Variants in FBLN7 observed in about 807,000 individuals in gnomAD.
FBLN7 encodes the protein fibulin-7.
FBLN7 carries 31 observed loss-of-function variants against 44.0 expected under a neutral mutation model. That is an observed-to-expected ratio of 0.70 (90% CI 0.53 to 0.95). The LOEUF is 0.95. Ranked by LOEUF, FBLN7 falls within the 40% of genes least tolerant of loss-of-function variation. The pLI is 0.00. For synonymous variants in FBLN7, 262 were observed against 253.4 expected (o/e 1.03, Z -0.32); for missense variants, 573 against 618.5 (o/e 0.93, Z 0.78).
chr2:112,142,649 C>T (rs952165669), intron 1 of FBLN7, among the ~76,000 whole-genome samples: 2 of 152,152 alleles, frequency 1.3e-5, no homozygotes, highest in African/African-American at 2.4e-5. Flanking sequence ...ATGGAGACTG[C>T]GGTGCTCCTC....
At chr2:112,167,416 G>A (rs1047395568) in intron 3 of FBLN7, among the ~76,000 whole-genome samples, 1 of 152,150 alleles carries the variant, frequency 6.6e-6, no homozygotes, top group Non-Finnish European at 1.5e-5. Context: ...CCTTTCTAGA[G>A]GATCCTGGGT....
Position 112,155,449 on chromosome 2 carries a change from G to A in FBLN7, c.76-4227G>A, listed in dbSNP as rs115409365. On this transcript the variant is annotated intron_variant, in intron 1 of 7. Coordinates refer to ENST00000331203, the MANE Select transcript of FBLN7 (RefSeq NM_153214.3). ...TCCCTGGCCCCAGCCCCGGCATGCT[G>A]GCTTGCCGAGAGCAGCAAGATGCTT... Among the ~76,000 whole-genome samples the A allele has an allele frequency of 4.9e-3, 743 of 152,334 alleles. 8 individuals carry two copies. Among genetic ancestry groups the A allele is most frequent in the African/African-American group, 0.016 (654 of 41,584 alleles).
chr2:112,146,390 A>G (rs1680899605), intron 1 of FBLN7, among the ~76,000 whole-genome samples: 1 of 152,194 alleles, frequency 6.6e-6, no homozygotes, highest in Non-Finnish European at 1.5e-5. Flanking sequence ...AAATCTATAG[A>G]TCAATTAGAG....
At chr2:112,210,655 CAAAAAAAAA>C in the FBLN7 span, among the ~76,000 whole-genome samples, 115 of 69,724 alleles carry the variant, frequency 1.6e-3, no homozygotes, top group South Asian at 0.025. Flanking sequence ...GACTCTGTCT[CAAAAAAAAA>C]AAAAAAAAAA....
rs568163712 is a variant in FBLN7 at position 112,159,003 on chromosome 2, A to G, written c.76-673A>G. On this transcript the variant is annotated intron_variant, in intron 1 of 7. Coordinates refer to ENST00000331203, the MANE Select transcript of FBLN7 (RefSeq NM_153214.3). The stretch of plus-strand genomic sequence containing the variant: ...TTGATCTTGGACTTCTAGCCCCGGA[A>G]CTGTGAGGAAATAAGTTTCTGTTGT... 1.1e-4 allele frequency among the ~76,000 whole-genome samples: 16 copies of G among 152,342 alleles called. No individual in the cohort carries two copies. In the East Asian group the frequency reaches 2.9e-3, roughly 28 times the overall value.
chr2:112,152,880 ATCTCTCTTTC>A (rs893518707), intron 1 of FBLN7: 9 of 152,124 alleles, frequency 5.9e-5, no homozygotes, highest in African/African-American at 1.9e-4. Context: ...ATCCCTTAAA[ATCTCTCTTTC>A]TCTCTCCATA....
rs150524751 is a variant in FBLN7 at position 112,164,375 on chromosome 2, C to T, written c.236-626C>T. On this transcript the variant is annotated intron_variant, in intron 2 of 7. Transcript: ENST00000331203. ...ATGCATTCTGATGGAGAGGACTGAC[C>T]GCATATCTAGAAAGAGGCAAGTCAA... 3.2e-3 allele frequency among the ~76,000 whole-genome samples: 485 copies of T among 152,248 alleles called. 2 individuals are homozygous for T. The highest frequency in any genetic ancestry group is 0.011 in the African/African-American group (466 of 41,538).
At chr2:112,230,078 C>A in the FBLN7 span, among the ~76,000 whole-genome samples, 4 of 152,004 alleles carry the variant, frequency 2.6e-5, no homozygotes, top group Non-Finnish European at 1.5e-5. Flanking sequence ...AAAACATGGG[C>A]AAAGACATTA....
intron 1 of FBLN7, among the ~76,000 whole-genome samples, chr2:112,157,428 C>T (rs552240664): frequency 2.0e-5 from 3 of 152,110 alleles, no homozygotes; most frequent in African/African-American, 7.2e-5. Flanking sequence ...CTAAAGATAA[C>T]CATCATCGTC....
At chr2:112,169,959 G>C (rs1682364360) in intron 3 of FBLN7, among the ~76,000 whole-genome samples, 1 of 152,154 alleles carries the variant, frequency 6.6e-6, no homozygotes, top group Non-Finnish European at 1.5e-5. Context: ...AGGAAGAAGG[G>C]GCCAGGCGCG....
chr2:112,143,759 T>C (rs1464955171), intron 1 of FBLN7, among the ~76,000 whole-genome samples: 8 of 152,158 alleles, frequency 5.3e-5, no homozygotes, highest in Non-Finnish European at 7.3e-5. Context: ...TTATTTTATT[T>C]TGTTTTAGAG....
chr2:112,174,045 G>T (rs1682610983), intron 3 of FBLN7, among the ~76,000 whole-genome samples: 1 of 152,232 alleles, frequency 6.6e-6, no homozygotes, highest in African/African-American at 2.4e-5. Flanking sequence ...CAGCAAAGGA[G>T]AGACCACAGC....
At chr2:112,162,118 G>A (rs538733867) in intron 2 of FBLN7, among the ~76,000 whole-genome samples, 96 of 152,296 alleles carry the variant, frequency 6.3e-4, no homozygotes, top group African/African-American at 2.0e-3. Context: ...AGGCTCAAGC[G>A]ATCCTCTCAC....
At chr2:112,180,534 C>A (rs576347071) in intron 4 of FBLN7, among the ~76,000 whole-genome samples, 4 of 152,158 alleles carry the variant, frequency 2.6e-5, no homozygotes, top group Admixed American at 6.5e-5. Flanking sequence ...CATAAAGACA[C>A]ATGCACTCGA....
At chr2:112,167,541 C>A (rs1033311529) in intron 3 of FBLN7, among the ~76,000 whole-genome samples, 1 of 152,158 alleles carries the variant, frequency 6.6e-6, no homozygotes, top group African/African-American at 2.4e-5. Flanking sequence ...CTAACTTGTG[C>A]CATGATCTCA....
chr2:112,181,569 G>C (rs1387761118), intron 4 of FBLN7, among the ~76,000 whole-genome samples, 170 bp from the exon 5 acceptor site: 4 of 152,262 alleles, frequency 2.6e-5, no homozygotes, highest in East Asian at 1.9e-4. Context: ...GGCCCTGGAC[G>C]GGTCGTCTGG....
At chr2:112,197,234 AACACACACACACACACACACAC>A in the FBLN7 span, among the ~76,000 whole-genome samples, 1 of 89,334 alleles carries the variant, frequency 1.1e-5, no homozygotes, top group Non-Finnish European at 2.1e-5. Flanking sequence ...CGTAAGAGAA[AACACACACACACACACACACAC>A]ACACACACAC....
In FBLN7 at chr2:112,165,618, T is replaced by C. The variant is rs1015834199; in HGVS notation, c.406+447T>C. ...GTTGGGGAAAGGGACCAGAGGAAGG[T>C]ACTGCAGGATGATGCTGCTGTGGCT... is the stretch of plus-strand genomic sequence containing the variant. On this transcript the variant is annotated intron_variant, in intron 3 of 7. Transcript: ENST00000331203. Among the ~76,000 whole-genome samples the C allele has an allele frequency of 2.8e-4, 43 of 152,154 alleles. 2 individuals carry two copies. Among genetic ancestry groups the C allele is most frequent in the Non-Finnish European group, 2.9e-5 (2 of 68,012 alleles).
At chr2:112,217,373 A>G in the FBLN7 span, among the ~76,000 whole-genome samples, 2 of 152,212 alleles carry the variant, frequency 1.3e-5, no homozygotes, top group African/African-American at 4.8e-5. Flanking sequence ...AAAAAAAAAG[A>G]AAAGCTAAAA....
Sources: gnomAD v4.1 joint callset for allele counts (sites outside exome capture counted in the v4.1 genomes callset) on GRCh38, gnomAD v4.1.1 for gene constraint, MANE v1.5 for transcripts, NCBI Gene and HGNC (gene_info 2026-07-23, HGNC 2026-07-21) for gene names.